The following CRY1 variants were observed in gnomAD, a reference collection of about 807,000 sequenced individuals.
The protein encoded by CRY1 is cryptochrome-1.
In CRY1, 45 loss-of-function variants were observed where a neutral mutation model predicts 76.0. The ratio of observed to expected loss-of-function variants is 0.59; its 90% CI spans 0.47 to 0.76. The LOEUF (loss-of-function observed/expected upper bound fraction) is 0.76, where lower values mean the gene tolerates loss of function less well. Ranked by LOEUF, CRY1 falls within the 30% of genes least tolerant of loss-of-function variation. CRY1 has a pLI of 0.00. For missense variants in CRY1, 587 were observed against 716.4 expected (o/e 0.82, Z 2.06); for synonymous variants, 248 against 244.0 (o/e 1.02, Z -0.15).
intron 1 of CRY1, among the ~76,000 whole-genome samples, chr12:107,064,041 T>A (rs1349591526): frequency 2.6e-5 from 4 of 152,202 alleles, no homozygotes. Flanking sequence ...CTTATTTTTT[T>A]TTAAGTTCCC....
intron 10 of CRY1, among the ~76,000 whole-genome samples, chr12:106,994,657 CTA>C (rs749858136): frequency 2.0e-5 from 3 of 152,216 alleles, no homozygotes; most frequent in Admixed American, 6.5e-5. Context: ...TAACCTGCTA[CTA>C]TGATTAGCTT....
At position 106,992,993 on chromosome 12, in the gene CRY1, G is replaced by C. The variant is rs750532962; in HGVS notation, c.1629C>G (p.Asp543Glu). 1 of 1,614,016 alleles carries C rather than the reference G, an allele frequency of 6.2e-7. No homozygotes were observed. The highest frequency in any genetic ancestry group is 1.3e-5 in the African/African-American group (1 of 75,018). The change falls in exon 11 of 13, where the codon GAC becomes GAG. Residue 543 changes from aspartate to glutamate, a missense_variant. Asp to Glu is a conservative substitution (Grantham distance 45, BLOSUM62 2). Transcript: ENST00000008527. ...GSGILHYAHG[D>E]SQQTHLLKQG... is the part of the protein sequence containing the mutation. ...GCTTCAACAGGTGAGTTTGCTGACT[G>C]TCGCCATGAGCATAGTGTAAAATAC... is the stretch of plus-strand genomic sequence containing the variant.
chr12:107,090,438 T>C (rs978479221), intron 1 of CRY1, among the ~76,000 whole-genome samples: 1 of 152,224 alleles, frequency 6.6e-6, no homozygotes, highest in Non-Finnish European at 1.5e-5. Context: ...TCTTCTTACA[T>C]TACTAGTGGC....
intron 2 of CRY1, among the ~76,000 whole-genome samples, chr12:107,006,617 C>T (rs185756358): frequency 5.9e-4 from 87 of 147,946 alleles, no homozygotes; most frequent in African/African-American, 2.1e-3. Flanking sequence ...CACACACTTG[C>T]CAATAATATG....
At position 107,083,627 on chromosome 12, in the gene CRY1, G is replaced by A. The variant is rs1489777679; in HGVS notation, c.158+9177C>T. Among the ~76,000 whole-genome samples the A allele has an allele frequency of 2.0e-5, 3 of 152,204 alleles. No homozygotes were observed. In the East Asian group the frequency reaches 5.8e-4, roughly 29 times the overall value. ...CTCAATAGATGCAGAAAAGGCCTTG[G>A]ACAAAATTCAACACCGCTTCATGCT... On this transcript the variant is annotated intron_variant, in intron 1 of 12. Coordinates refer to ENST00000008527, the MANE Select transcript of CRY1 (RefSeq NM_004075.5).
intron 1 of CRY1, among the ~76,000 whole-genome samples, chr12:107,081,020 T>C (rs1247672599): frequency 6.6e-6 from 1 of 151,974 alleles, no homozygotes; most frequent in Admixed American, 6.6e-5. Flanking sequence ...AGAATAAATA[T>C]AAAAAATGAG....
At chr12:106,994,183 T>C (rs1309797534) in intron 10 of CRY1, among the ~76,000 whole-genome samples, 1 of 152,208 alleles carries the variant, frequency 6.6e-6, no homozygotes, top group Non-Finnish European at 1.5e-5. Context: ...TTTAGAAGCA[T>C]TTAAGTCCTT....
At chr12:107,067,783 C>G (rs938513061) in intron 1 of CRY1, among the ~76,000 whole-genome samples, 1 of 152,196 alleles carries the variant, frequency 6.6e-6, no homozygotes, top group African/African-American at 2.4e-5. Flanking sequence ...TGTGACAAGG[C>G]TGGAATCTTG....
At chr12:107,069,687 T>C (rs962107092) in intron 1 of CRY1, among the ~76,000 whole-genome samples, 2 of 143,890 alleles carry the variant, frequency 1.4e-5, no homozygotes, top group Non-Finnish European at 3.0e-5. Context: ...ATAAAGTATA[T>C]ATATAAAGTG....
chr12:106,998,819 G>T (rs1952264567), intron 7 of CRY1, among the ~76,000 whole-genome samples: 1 of 151,980 alleles, frequency 6.6e-6, no homozygotes, highest in Non-Finnish European at 1.5e-5. Context: ...GAGGCAGGGG[G>T]ATCATTTGAG....
chr12:107,000,585 A>G (rs1952297055), intron 5 of CRY1, among the ~76,000 whole-genome samples: 2 of 151,824 alleles, frequency 1.3e-5, no homozygotes, highest in African/African-American at 2.4e-5. Flanking sequence ...CCTGACCCCA[A>G]ATGATCTGCC....
At chr12:107,062,037 A>G (rs1162530159) in intron 1 of CRY1, among the ~76,000 whole-genome samples, 68 of 150,152 alleles carry the variant, frequency 4.5e-4, no homozygotes, top group Middle Eastern at 3.5e-3. Context: ...AAAAAAAAAA[A>G]AAAAAAAGAA....
At chr12:107,066,550 G>A (rs1338783273) in intron 1 of CRY1, among the ~76,000 whole-genome samples, 1 of 151,354 alleles carries the variant, frequency 6.6e-6, no homozygotes, top group Non-Finnish European at 1.5e-5. Flanking sequence ...CGACCTCCCA[G>A]GTCCAAGTGA....
chr12:107,073,622 G>C (rs139338745), intron 1 of CRY1, among the ~76,000 whole-genome samples: 110 of 152,188 alleles, frequency 7.2e-4, no homozygotes, highest in African/African-American at 2.6e-3. Flanking sequence ...CCAGCTACCA[G>C]GGAGGCTGAG....
chr12:106,993,154 G>C (rs1384739926), intron 10 of CRY1, 118 bp from the exon 11 acceptor site: 4 of 902,078 alleles, frequency 4.4e-6, no homozygotes, highest in Non-Finnish European at 6.7e-6. Context: ...ATGCTTTTAA[G>C]ACTAAATCTC....
At chr12:107,024,719 T>A (rs557980555) in intron 1 of CRY1, among the ~76,000 whole-genome samples, 3 of 152,190 alleles carry the variant, frequency 2.0e-5, no homozygotes, top group Non-Finnish European at 2.9e-5. Flanking sequence ...CACAGAATGA[T>A]ATGGACTAAA....
intron 2 of CRY1, among the ~76,000 whole-genome samples, chr12:107,005,885 C>T (rs977711226): frequency 2.6e-5 from 4 of 151,916 alleles, no homozygotes; most frequent in Non-Finnish European, 5.9e-5. Flanking sequence ...TGTACATCTC[C>T]TTATACTGAT....
chr12:107,037,697 T>TTTTATTTA (rs138096287), intron 1 of CRY1, among the ~76,000 whole-genome samples: 16 of 150,992 alleles, frequency 1.1e-4, no homozygotes, highest in African/African-American at 3.7e-4. Flanking sequence ...TTAGAAATTA[T>TTTTATTTA]TTTATTTATT....
intron 1 of CRY1, among the ~76,000 whole-genome samples, chr12:107,083,623 C>A (rs978656791): frequency 3.9e-5 from 6 of 152,206 alleles, no homozygotes; most frequent in South Asian, 4.1e-4. Flanking sequence ...CAGAAAAGGC[C>A]TTGGACAAAA....
Sources: allele counts gnomAD v4.1 joint callset (sites outside exome capture counted in the v4.1 genomes callset), GRCh38; gene constraint gnomAD v4.1.1; transcripts MANE v1.5; gene names NCBI Gene and HGNC (gene_info 2026-07-23, HGNC 2026-07-21).